Variants in SCN11A observed in about 807,000 individuals in gnomAD.
SCN11A encodes the protein sodium voltage-gated channel alpha subunit 11.
A neutral mutation model predicts 162.2 loss-of-function variants in SCN11A; 122 were observed. The ratio of observed to expected loss-of-function variants is 0.75; its 90% CI spans 0.65 to 0.87. The LOEUF is 0.87. Ranked by LOEUF, SCN11A falls within the 40% of genes least tolerant of loss-of-function variation. The pLI is 0.00. For synonymous variants in SCN11A, 758 were observed against 751.5 expected, an observed-to-expected ratio of 1.01 and a Z score of -0.14; for missense variants, 2,015 against 2,181.6, an observed-to-expected ratio of 0.92 and a Z score of 1.52.
intron 2 of SCN11A, among the ~76,000 whole-genome samples, chr3:39,011,563 A>G (rs989748098): frequency 1.3e-5 from 2 of 152,248 alleles, no homozygotes; most frequent in Non-Finnish European, 2.9e-5. Context: ...ACTCTGAAAA[A>G]GGACATATGA....
At chr3:38,872,761 T>C (rs2065150365) in intron 23 of SCN11A, among the ~76,000 whole-genome samples, 1 of 152,132 alleles carries the variant, frequency 6.6e-6, no homozygotes, top group African/African-American at 2.4e-5. Context: ...TTGACATGTT[T>C]AGGGGTAATA....
chr3:38,950,063 A>T lies in SCN11A; in HGVS notation c.267+33T>A, dbSNP rs201109149. ...ACAACTGCATGGTTAGAACACCCCC[A>T]CCCCCACCCCCCCCCCCCGCCCAAT... is the stretch of plus-strand genomic sequence containing the variant. On this transcript the variant is annotated intron_variant, in intron 5 of 29. Coordinates refer to ENST00000302328, the MANE Select transcript of SCN11A (RefSeq NM_001349253.2). 7.0e-3 allele frequency: 451 copies of T among 63,976 alleles called. 6 individuals are homozygous for T. Among genetic ancestry groups the T allele is most frequent in the Admixed American group, 9.3e-3 (52 of 5,592 alleles). The allele number at this position is 63,976 out of a possible 1,614,324, so 4.0% of individuals were successfully genotyped here. A position where few individuals can be genotyped will look rare whatever the true frequency, so the allele number is the denominator to read the frequency against.
At position 38,980,873 on chromosome 3, in the gene SCN11A, G is replaced by A. The variant is rs149657757; in HGVS notation, c.-279-20450C>T. ...AACCAGAGATTTACTTACTGGGGGT[G>A]GAAGCTGAGCCAAAGGAGACCAGAT... On this transcript the variant is annotated intron_variant, in intron 2 of 29. Coordinates refer to ENST00000302328, the MANE Select transcript of SCN11A (RefSeq NM_001349253.2). 4.1e-3 allele frequency among the ~76,000 whole-genome samples: 628 copies of A among 152,274 alleles called. 9 individuals carry two copies. The highest frequency in any genetic ancestry group is 0.014 in the African/African-American group (597 of 41,538).
At chr3:38,953,055 T>TTTG (rs528579929) in intron 4 of SCN11A, among the ~76,000 whole-genome samples, 3 of 151,950 alleles carry the variant, frequency 2.0e-5, no homozygotes, top group African/African-American at 4.8e-5. Flanking sequence ...TTTGTTTTTT[T>TTTG]TTGTTGTTGT....
intron 27 of SCN11A, among the ~76,000 whole-genome samples, chr3:38,863,587 A>G (rs1272717920): frequency 3.3e-5 from 5 of 152,170 alleles, no homozygotes; most frequent in Non-Finnish European, 7.4e-5. Context: ...AAAATTTGAT[A>G]TATTTCAGCT....
intron 2 of SCN11A, among the ~76,000 whole-genome samples, chr3:39,007,621 A>G (rs1219619141): frequency 1.3e-5 from 2 of 152,226 alleles, no homozygotes; most frequent in African/African-American, 4.8e-5. Flanking sequence ...CACTTAAAAA[A>G]GTTTCCAGGT....
intron 27 of SCN11A, among the ~76,000 whole-genome samples, chr3:38,865,769 T>C (rs1314296903): frequency 4.6e-5 from 7 of 152,034 alleles, no homozygotes; most frequent in Admixed American, 4.6e-4. Flanking sequence ...ATGATATAAA[T>C]AAAAAACTCT....
chr3:38,950,481 G>C (rs1057102618), intron 4 of SCN11A, 112 bp from the exon 5 acceptor site: 2 of 1,119,880 alleles, frequency 1.8e-6, no homozygotes, highest in Non-Finnish European at 1.3e-6. Context: ...ATCTACAAAA[G>C]CTGAGCTGAG....
At chr3:38,883,665 T>C (rs1359837616) in intron 21 of SCN11A, among the ~76,000 whole-genome samples, 1 of 152,000 alleles carries the variant, frequency 6.6e-6, no homozygotes, top group East Asian at 1.9e-4. Context: ...GCCATCTCCA[T>C]AAAAAAAGGC....
Position 38,950,069 on chromosome 3 carries a change from A to ACCCCCCCC in SCN11A, c.267+19_267+26dup, listed in dbSNP as rs375995524. The ACCCCCCCC allele has an allele frequency of 7.6e-5, 5 of 66,186 alleles. 1 individual carries two copies. The highest frequency in any genetic ancestry group is 3.8e-4 in the Admixed American group (2 of 5,304). The allele number at this position is 66,186 out of a possible 1,614,324, so 4.1% of individuals were successfully genotyped here. A position where few individuals can be genotyped will look rare whatever the true frequency, so the allele number is the denominator to read the frequency against. On this transcript the variant is annotated intron_variant, in intron 5 of 29. Coordinates refer to ENST00000302328, the MANE Select transcript of SCN11A (RefSeq NM_001349253.2). ...GCATGGTTAGAACACCCCCACCCCC[A>ACCCCCCCC]CCCCCCCCCCCCGCCCAATGAAGTA...
At chr3:38,961,653 C>T (rs947377695) in intron 2 of SCN11A, among the ~76,000 whole-genome samples, 1 of 152,180 alleles carries the variant, frequency 6.6e-6, no homozygotes, top group African/African-American at 2.4e-5. Flanking sequence ...TAAGAGGACT[C>T]CGAATCCATT....
chr3:38,947,559 T>C (rs1349497663), intron 5 of SCN11A, among the ~76,000 whole-genome samples: 3 of 152,202 alleles, frequency 2.0e-5, no homozygotes, highest in African/African-American at 7.2e-5. Context: ...CTACCGGCCT[T>C]TTACTGGGAA....
intron 1 of SCN11A, among the ~76,000 whole-genome samples, chr3:39,036,417 T>C (rs2031906921): frequency 6.6e-6 from 1 of 152,130 alleles, no homozygotes; most frequent in African/African-American, 2.4e-5. Context: ...AGTGCTGAGA[T>C]TACAGGCAAG....
intron 2 of SCN11A, among the ~76,000 whole-genome samples, chr3:38,974,605 G>C (rs1336506573): frequency 6.7e-6 from 1 of 149,064 alleles, no homozygotes; most frequent in African/African-American, 2.5e-5. Flanking sequence ...TGAGGCAGGA[G>C]AATGGCGTGA....
chr3:38,920,953 T>C (rs2066040013), intron 10 of SCN11A, 123 bp downstream of exon 10: 3 of 872,582 alleles, frequency 3.4e-6, no homozygotes, highest in Non-Finnish European at 5.6e-6. Flanking sequence ...GCACCCTGGA[T>C]GGATGAAGTC....
At chr3:38,860,888 C>T (rs1456732501) in intron 28 of SCN11A, among the ~76,000 whole-genome samples, 1 of 152,078 alleles carries the variant, frequency 6.6e-6, no homozygotes, top group Non-Finnish European at 1.5e-5. Flanking sequence ...AAGTCCTAGC[C>T]AGAGCAATCA....
intron 7 of SCN11A, among the ~76,000 whole-genome samples, chr3:38,935,724 G>T (rs2066320556): frequency 6.6e-6 from 1 of 151,368 alleles, no homozygotes; most frequent in African/African-American, 2.4e-5. Flanking sequence ...CTGAAACTGT[G>T]GCAATAGCTT....
intron 11 of SCN11A, among the ~76,000 whole-genome samples, chr3:38,912,574 C>G (rs1011952874): frequency 6.6e-6 from 1 of 152,110 alleles, no homozygotes; most frequent in African/African-American, 2.4e-5. Flanking sequence ...TATTTCATCA[C>G]CTAGGTACTA....
intron 28 of SCN11A, among the ~76,000 whole-genome samples, chr3:38,853,156 T>C (rs1164407134): frequency 1.3e-5 from 2 of 152,226 alleles, no homozygotes; most frequent in Non-Finnish European, 2.9e-5. Flanking sequence ...GCAACTTTTG[T>C]TGGGCTGTGT....
Sources: gnomAD v4.1 joint callset for allele counts (sites outside exome capture counted in the v4.1 genomes callset) on GRCh38, gnomAD v4.1.1 for gene constraint, MANE v1.5 for transcripts, NCBI Gene and HGNC (gene_info 2026-07-23, HGNC 2026-07-21) for gene names.